CSMD1: variants seen among roughly 807,000 people sequenced by gnomAD.
CSMD1 encodes CUB and sushi domain-containing protein 1.
A neutral mutation model predicts 417.5 loss-of-function variants in CSMD1; 213 were observed. The observed-to-expected ratio is 0.51, with a 90% CI of 0.46 to 0.57. The LOEUF (loss-of-function observed/expected upper bound fraction) is 0.57. Ranked by LOEUF, CSMD1 falls within the 20% of genes least tolerant of loss-of-function variation. The pLI, the probability that CSMD1 is intolerant of heterozygous loss-of-function variation, is 0.00. For missense variants in CSMD1, 6,923 were observed against 4,529.7 expected (o/e 1.53, Z -15.17); for synonymous variants, 2,862 against 1,736.8 (o/e 1.65, Z -16.11).
intron 1 of CSMD1, among the ~76,000 whole-genome samples, chr8:4,880,396 G>C (rs967997426): frequency 6.6e-6 from 1 of 152,060 alleles, no homozygotes; most frequent in African/African-American, 2.4e-5. Flanking sequence ...CTCCAAAAGA[G>C]AAGGCATCAG....
At chr8:3,622,783 A>T (rs1025380447) in intron 7 of CSMD1, among the ~76,000 whole-genome samples, 1 of 82,556 alleles carries the variant, frequency 1.2e-5, no homozygotes, top group African/African-American at 5.5e-5. Flanking sequence ...CATAAATCCC[A>T]ACTATGTATT....
At chr8:4,141,648 T>TA (rs1308599667) in intron 3 of CSMD1, among the ~76,000 whole-genome samples, 1 of 150,668 alleles carries the variant, frequency 6.6e-6, no homozygotes, top group Non-Finnish European at 1.5e-5. Context: ...ACAAGTTTTT[T>TA]AAATCTCCAG....
chr8:4,776,746 C>T (rs1796875062), intron 1 of CSMD1, among the ~76,000 whole-genome samples: 1 of 151,822 alleles, frequency 6.6e-6, no homozygotes, highest in African/African-American at 2.4e-5. Flanking sequence ...ACATACTACA[C>T]TCAGTTATAT....
At chr8:3,859,461 CT>C (rs1321315336) in intron 5 of CSMD1, among the ~76,000 whole-genome samples, 19 of 152,142 alleles carry the variant, frequency 1.2e-4, no homozygotes, top group Admixed American at 1.2e-3. Context: ...GGACTTTGTG[CT>C]TGGTTTCTGG....
intron 1 of CSMD1, among the ~76,000 whole-genome samples, chr8:4,929,024 T>C (rs1400778964): frequency 1.3e-5 from 2 of 152,000 alleles, no homozygotes; most frequent in African/African-American, 2.4e-5. Context: ...TGAGCCGAGA[T>C]TGCACCACTG....
At chr8:3,940,168 C>T (rs1810779330) in intron 5 of CSMD1, among the ~76,000 whole-genome samples, 2 of 151,970 alleles carry the variant, frequency 1.3e-5, no homozygotes, top group Non-Finnish European at 2.9e-5. Context: ...CATTGTGTTT[C>T]AAACATGAAA....
intron 1 of CSMD1, among the ~76,000 whole-genome samples, chr8:4,778,513 G>T (rs989223018): frequency 6.6e-6 from 1 of 152,114 alleles, no homozygotes; most frequent in Non-Finnish European, 1.5e-5. Flanking sequence ...TAAGTGGCAC[G>T]GTATAAGCAT....
rs183197980 is a variant in CSMD1, at chr8:3,121,254, C to T, written c.6242-2667G>A. 5.3e-5 allele frequency among the ~76,000 whole-genome samples: 8 copies of T among 152,262 alleles called. No homozygotes were observed. In the East Asian group the frequency reaches 1.4e-3, roughly 26 times the overall value. On this transcript the variant is annotated intron_variant, in intron 41 of 69. Transcript: ENST00000635120. Reference sequence around the variant, plus strand: ...CCTGTGGTTAAGCCCTGACTATAGTCAGCAGGTTAAAAAAAATCCTTTATT... The same window carrying T: ...CCTGTGGTTAAGCCCTGACTATAGTTAGCAGGTTAAAAAAAATCCTTTATT...
intron 3 of CSMD1, among the ~76,000 whole-genome samples, chr8:4,054,584 G>C (rs1301834351): frequency 6.6e-6 from 1 of 152,124 alleles, no homozygotes; most frequent in Non-Finnish European, 1.5e-5. Context: ...TGGTGGTGTA[G>C]TCTAATTGTG....
chr8:4,183,912 C>A (rs371775699), intron 3 of CSMD1, among the ~76,000 whole-genome samples: 1 of 152,102 alleles, frequency 6.6e-6, no homozygotes, highest in Non-Finnish European at 1.5e-5. Context: ...CAGCTTGGGG[C>A]AGCTACCACA....
intron 2 of CSMD1, among the ~76,000 whole-genome samples, chr8:4,447,811 G>C (rs1220907837): frequency 2.0e-5 from 3 of 152,138 alleles, no homozygotes; most frequent in Admixed American, 2.0e-4. Flanking sequence ...ACACAACTAA[G>C]AAGTCACAAC....
At chr8:3,998,192 G>C (rs753122571) in intron 4 of CSMD1, 82 bp from the exon 5 acceptor site, 22 of 1,239,294 alleles carry the variant, frequency 1.8e-5, no homozygotes, top group Non-Finnish European at 2.5e-5. Context: ...TGTCACTCTT[G>C]ATCAGCGACA....
At chr8:3,852,766 T>C (rs189439100) in intron 5 of CSMD1, among the ~76,000 whole-genome samples, 3 of 152,186 alleles carry the variant, frequency 2.0e-5, no homozygotes, top group East Asian at 3.9e-4. Flanking sequence ...CACAGGTTTG[T>C]AGGATCCATT....
At position 3,241,285 on chromosome 8, in the gene CSMD1, G is replaced by A. The variant is rs1258614614; in HGVS notation, c.4154-11054C>T. Reference sequence around the variant, plus strand: ...GAGTTGGGGAGTTTTAAGAGGTTTAGAAGCCTGGCCGTCAATACCCACAAC... The same window carrying A: ...GAGTTGGGGAGTTTTAAGAGGTTTAAAAGCCTGGCCGTCAATACCCACAAC... On this transcript the variant is annotated intron_variant, in intron 26 of 69. Coordinates refer to ENST00000635120, the MANE Select transcript of CSMD1 (RefSeq NM_033225.6). Among the ~76,000 whole-genome samples, 6 of 150,772 alleles carry A rather than the reference G, an allele frequency of 4.0e-5. No individual in the cohort carries two copies. In the East Asian group the frequency reaches 1.2e-3, roughly 29 times the overall value.
intron 1 of CSMD1, among the ~76,000 whole-genome samples, chr8:4,892,825 C>T (rs761621044): frequency 1.2e-4 from 18 of 152,058 alleles, no homozygotes; most frequent in Admixed American, 3.3e-4. Flanking sequence ...TATGCTACTC[C>T]ATAGTATAAA....
chr8:4,650,306 C>T (rs1452362001), intron 1 of CSMD1, among the ~76,000 whole-genome samples: 3 of 139,590 alleles, frequency 2.1e-5, no homozygotes, highest in Non-Finnish European at 4.5e-5. Context: ...GATGGTGCCA[C>T]TGCACTCCAG....
At chr8:3,916,498 G>A (rs1808840498) in intron 5 of CSMD1, among the ~76,000 whole-genome samples, 1 of 152,086 alleles carries the variant, frequency 6.6e-6, no homozygotes, top group Admixed American at 6.5e-5. Flanking sequence ...TCTGATAAAT[G>A]GGAATTAACT....
At chr8:4,558,931 G>GT (rs1554511853) in intron 2 of CSMD1, among the ~76,000 whole-genome samples, 6 of 152,216 alleles carry the variant, frequency 3.9e-5, no homozygotes, top group African/African-American at 1.4e-4. Context: ...AACTGATCAT[G>GT]TTTTTTTTTC....
At chr8:4,916,926 C>T (rs1344600144) in intron 1 of CSMD1, among the ~76,000 whole-genome samples, 1 of 152,200 alleles carries the variant, frequency 6.6e-6, no homozygotes, top group Non-Finnish European at 1.5e-5. Context: ...ACATTCATGT[C>T]AACAGGGTGT....
Sources: gnomAD v4.1 joint callset for allele counts (sites outside exome capture counted in the v4.1 genomes callset) on GRCh38, gnomAD v4.1.1 for gene constraint, MANE v1.5 for transcripts, NCBI Gene and HGNC (gene_info 2026-07-23, HGNC 2026-07-21) for gene names.